NCAPG2: variants seen among roughly 807,000 people sequenced by gnomAD.
NCAPG2 encodes condensin-2 complex subunit G2.
A neutral mutation model predicts 141.1 loss-of-function variants in NCAPG2; 53 were observed. That is an observed-to-expected ratio of 0.38 (90% CI 0.30 to 0.47). The LOEUF is 0.47. NCAPG2 is among the 20% of genes least tolerant of loss of function. The probability of loss-of-function intolerance (pLI) is 0.99; values close to 1 mark genes in which losing one functional copy is unlikely to be tolerated. For synonymous variants in NCAPG2, 499 were observed against 490.7 expected, an observed-to-expected ratio of 1.02 and a Z score of -0.22; for missense variants, 1,087 against 1,389.0, an observed-to-expected ratio of 0.78 and a Z score of 3.46.
At chr7:158,673,663 C>T (rs751836343) in intron 12 of NCAPG2, among the ~76,000 whole-genome samples, 4 of 152,224 alleles carry the variant, frequency 2.6e-5, no homozygotes, top group African/African-American at 4.8e-5. Flanking sequence ...CTGAGCAGAG[C>T]TCTCAAAGAA....
chr7:158,633,503 C>T lies in NCAPG2; in HGVS notation c.3381-1786G>A, dbSNP rs556877293. Among the ~76,000 whole-genome samples, 7 of 152,298 alleles carry T rather than the reference C, an allele frequency of 4.6e-5. No homozygotes were observed. The highest frequency in any genetic ancestry group is 3.9e-4 in the East Asian group (2 of 5,164). ...CAGCTATGTGGAGGCTGCCATGCAG[C>T]GACACAGGAGACTCTGGGTGCCCCA... On this transcript the variant is annotated intron_variant, in intron 27 of 27. Coordinates refer to ENST00000356309, the MANE Select transcript of NCAPG2 (RefSeq NM_017760.7). This position sits in a 1 kb window ranked among gnomAD's most constrained non-coding sequence, Gnocchi z 4.1.
intron 23 of NCAPG2, 35 bp downstream of exon 23, chr7:158,652,258 A>C (rs1206712804): frequency 3.1e-6 from 5 of 1,593,702 alleles, no homozygotes; most frequent in Non-Finnish European, 4.3e-6. Flanking sequence ...TGAAAAGCCC[A>C]TCTAGCGAAC....
At chr7:158,656,467 A>C (rs767177104) in intron 18 of NCAPG2, 34 bp from the exon 19 acceptor site, 1 of 1,610,248 alleles carries the variant, frequency 6.2e-7, no homozygotes, top group Non-Finnish European at 8.5e-7. Flanking sequence ...GATAATGAAA[A>C]CACACGTCCC....
At chr7:158,667,460 G>C (rs1451407199) in intron 13 of NCAPG2, among the ~76,000 whole-genome samples, 2 of 123,770 alleles carry the variant, frequency 1.6e-5, no homozygotes, top group Non-Finnish European at 3.4e-5. Context: ...GGGTCCCTCC[G>C]CCCGCCTTAC....
At chr7:158,660,142 C>A (rs937208644) in intron 16 of NCAPG2, among the ~76,000 whole-genome samples, 6 of 151,744 alleles carry the variant, frequency 4.0e-5, no homozygotes, top group African/African-American at 1.5e-4. Flanking sequence ...TACAAGTATA[C>A]TGATAATGAT....
intron 2 of NCAPG2, among the ~76,000 whole-genome samples, chr7:158,697,565 C>CA (rs1488175122): frequency 6.7e-6 from 1 of 150,288 alleles, no homozygotes; most frequent in Non-Finnish European, 1.5e-5. Flanking sequence ...GACGCCACTG[C>CA]ACTCCAGCCT....
At chr7:158,660,511 T>C (rs1327024121) in intron 16 of NCAPG2, among the ~76,000 whole-genome samples, 2 of 150,016 alleles carry the variant, frequency 1.3e-5, no homozygotes, top group Non-Finnish European at 2.9e-5. Context: ...TCTCAAACTC[T>C]GGGCTCAAGC....
At chr7:158,671,724 G>T in intron 12 of NCAPG2, 58 bp from the exon 13 acceptor site, 2 of 1,569,568 alleles carry the variant, frequency 1.3e-6, no homozygotes, top group Non-Finnish European at 1.7e-6. Context: ...GAAAGGTTCA[G>T]GTAGGAAAAC....
intron 11 of NCAPG2, 102 bp downstream of exon 11, chr7:158,679,858 C>A: frequency 1.4e-6 from 2 of 1,431,488 alleles, no homozygotes; most frequent in Non-Finnish European, 1.9e-6. Flanking sequence ...GGGAGCAGAG[C>A]TCTGGCGGTT....
At chr7:158,631,803 A>C in intron 27 of NCAPG2, 86 bp from the exon 28 acceptor site, 1 of 1,136,184 alleles carries the variant, frequency 8.8e-7, no homozygotes, top group African/African-American at 1.6e-5. Context: ...TAATCTAAAA[A>C]TGGTTTGCAA....
rs375433972 is a variant in NCAPG2 at position 158,677,042 on chromosome 7, T to A, written c.1147-1386A>T. On this transcript the variant is annotated intron_variant, in intron 11 of 27. Coordinates refer to ENST00000356309, the MANE Select transcript of NCAPG2 (RefSeq NM_017760.7). Reference sequence around the variant, plus strand: ...CCAGAGCCCAGGTTACAGAGAAGAGTTTGTGGCAAGGGCTGCAAACAACCC... The same window carrying A: ...CCAGAGCCCAGGTTACAGAGAAGAGATTGTGGCAAGGGCTGCAAACAACCC... Among the ~76,000 whole-genome samples, 56 of 151,526 alleles carry A rather than the reference T, an allele frequency of 3.7e-4. 2 individuals are homozygous for A. The South Asian group carries it at 0.012, about 31-fold the overall frequency.
chr7:158,693,245 G>C, intron 3 of NCAPG2, 64 bp downstream of exon 3: 1 of 1,491,010 alleles, frequency 6.7e-7, no homozygotes, highest in Non-Finnish European at 9.2e-7. Context: ...ATGATACACA[G>C]TGAAGTTATT....
At chr7:158,676,396 G>A (rs1448781302) in intron 11 of NCAPG2, among the ~76,000 whole-genome samples, 1 of 152,216 alleles carries the variant, frequency 6.6e-6, no homozygotes, top group East Asian at 1.9e-4. Context: ...GGAGACTTAA[G>A]CAACATGTCA....
At chr7:158,672,592 C>T (rs1225260608) in intron 12 of NCAPG2, among the ~76,000 whole-genome samples, 2 of 151,916 alleles carry the variant, frequency 1.3e-5, no homozygotes, top group African/African-American at 2.4e-5. Context: ...CTGCCCGCCT[C>T]GGCCTCCCAA....
chr7:158,692,805 A>G, intron 4 of NCAPG2, 37 bp downstream of exon 4: 1 of 1,142,162 alleles, frequency 8.8e-7, no homozygotes, highest in Non-Finnish European at 1.3e-6. Context: ...TTCAACACCC[A>G]CTTCTAAATA....
chr7:158,641,393 C>A (rs1215382957), intron 27 of NCAPG2: 18 of 471,114 alleles, frequency 3.8e-5, no homozygotes, highest in Non-Finnish European at 5.6e-5. Context: ...TATAAAAAAA[C>A]CACTTTAAAT....
At chr7:158,651,966 C>G (rs1831526397) in intron 23 of NCAPG2, among the ~76,000 whole-genome samples, 1 of 152,190 alleles carries the variant, frequency 6.6e-6, no homozygotes, top group African/African-American at 2.4e-5. Context: ...GCAATCAGTC[C>G]TCTGCTTCCT....
intron 2 of NCAPG2, among the ~76,000 whole-genome samples, chr7:158,694,658 G>T (rs192868772): frequency 1.3e-5 from 2 of 152,220 alleles, no homozygotes; most frequent in East Asian, 3.9e-4. Flanking sequence ...CTTCAAAACT[G>T]TCGGGGTCAT....
intron 2 of NCAPG2, among the ~76,000 whole-genome samples, chr7:158,694,740 T>C (rs1835339731): frequency 2.0e-5 from 3 of 152,200 alleles, no homozygotes; most frequent in Admixed American, 2.0e-4. Flanking sequence ...CATCCTCTCT[T>C]CCTGCTCTCC....
Sources: gnomAD v4.1 joint callset for allele counts (sites outside exome capture counted in the v4.1 genomes callset) on GRCh38, gnomAD v4.1.1 for gene constraint, Gnocchi (gnomAD v3.1) non-coding constraint, MANE v1.5 for transcripts, NCBI Gene and HGNC (gene_info 2026-07-23, HGNC 2026-07-21) for gene names.